The following SYT12 variants were observed in gnomAD, a reference collection of about 807,000 sequenced individuals.
The protein encoded by SYT12 is synaptotagmin 12, also known as synaptotagmin-12.
In SYT12, 27 loss-of-function variants were observed where a neutral mutation model predicts 39.5. The ratio of observed to expected loss-of-function variants is 0.68; its 90% CI spans 0.50 to 0.94. SYT12 has a LOEUF of 0.94. Ranked by LOEUF, SYT12 falls within the 40% of genes least tolerant of loss-of-function variation. The pLI is 0.00. For missense variants in SYT12, 536 were observed against 572.6 expected (o/e 0.94, Z 0.65); for synonymous variants, 233 against 239.7 (o/e 0.97, Z 0.26).
In SYT12 at chr11:67,025,023, C is replaced by T. The variant is rs1239527364; in HGVS notation, c.-24+1563C>T. Among the ~76,000 whole-genome samples, 5 of 152,302 alleles carry T rather than the reference C, an allele frequency of 3.3e-5. No homozygotes were observed. The East Asian group carries it at 9.7e-4, about 29-fold the overall frequency. On this transcript the variant is annotated intron_variant, in intron 1 of 7. Coordinates refer to ENST00000527043, the MANE Select transcript of SYT12 (RefSeq NM_177963.4). The stretch of plus-strand genomic sequence containing the variant: ...CAGCAAAGCTGGGGGAAGTGGGGGG[C>T]TCTTCCAACTCCCCACCCCAAAAGG...
intron 2 of SYT12, among the ~76,000 whole-genome samples, chr11:67,034,177 G>A (rs374710961): frequency 1.6e-4 from 24 of 152,218 alleles, no homozygotes; most frequent in African/African-American, 5.8e-4. Flanking sequence ...ATCCCCCAAA[G>A]AAACCCTATT....
intron 1 of SYT12, among the ~76,000 whole-genome samples, chr11:67,008,619 C>T (rs1418232547): frequency 2.6e-5 from 4 of 151,828 alleles, no homozygotes; most frequent in Non-Finnish European, 4.4e-5. Context: ...GGCATGAGCT[C>T]GGCTCACTGC....
At position 67,028,540 on chromosome 11, in the gene SYT12, C is replaced by A. The variant is rs536159665; in HGVS notation, c.-23-1582C>A. ...CTGGATAACCCTGACTGGAGCATGGCACCGAAGCTTCTTGACTCCAAAGCC... is the reference window on the plus strand; with the variant it reads ...CTGGATAACCCTGACTGGAGCATGGAACCGAAGCTTCTTGACTCCAAAGCC... On this transcript the variant is annotated intron_variant, in intron 1 of 7. Coordinates refer to ENST00000527043, the MANE Select transcript of SYT12 (RefSeq NM_177963.4). 51 of 152,366 alleles carry A rather than the reference C, an allele frequency of 3.3e-4. 1 individual carries two copies. Among genetic ancestry groups the A allele is most frequent in the African/African-American group, 1.2e-3 (50 of 41,568 alleles). 9.4% of individuals were successfully genotyped at this position (152,366 alleles called of 1,614,324 possible). A position where few individuals can be genotyped will look rare whatever the true frequency, so the allele number is the denominator to read the frequency against.
chr11:67,036,937 G>A (rs1950392557), intron 3 of SYT12, among the ~76,000 whole-genome samples: 1 of 152,210 alleles, frequency 6.6e-6, no homozygotes, highest in Non-Finnish European at 1.5e-5. Flanking sequence ...GCCAAGTGTG[G>A]TGGCGCATGC....
intron 7 of SYT12, among the ~76,000 whole-genome samples, chr11:67,048,225 C>G (rs1854628847): frequency 6.7e-6 from 1 of 149,102 alleles, no homozygotes; most frequent in Middle Eastern, 3.2e-3. Flanking sequence ...GAGCTGAGAT[C>G]ATGCCCCTGT....
At chr11:67,016,570 G>A (rs1950061283) in intron 3 of SYT12, among the ~76,000 whole-genome samples, 1 of 152,216 alleles carries the variant, frequency 6.6e-6, no homozygotes, top group Non-Finnish European at 1.5e-5. Flanking sequence ...CCTGAAAGTA[G>A]TGTATATTAT....
intron 7 of SYT12, among the ~76,000 whole-genome samples, chr11:67,046,215 G>A (rs891972344): frequency 6.6e-6 from 1 of 152,094 alleles, no homozygotes; most frequent in South Asian, 2.1e-4. Flanking sequence ...GAGGAGCTGG[G>A]GTGAGCCAGG....
Position 67,040,048 on chromosome 11 carries a change from G to T in SYT12, c.466G>T (p.Val156Leu). Residue 156 changes from valine (V) to leucine (L), a missense_variant, in exon 4 of 8, where the codon GTG (valine) becomes TTG (leucine). Physicochemically the swap from Val to Leu is conservative, Grantham distance 32 (BLOSUM62 1). Coordinates refer to ENST00000527043, the MANE Select transcript of SYT12 (RefSeq NM_177963.4). ...TGGGCAGGACTTCACACTGGGCCAG[G>T]TGGAGGTGAGCATGGAGTACGACAC... ...TFGQDFTLGQVEVSMEYDTAS... is the reference protein window; with the variant it reads ...TFGQDFTLGQLEVSMEYDTAS... 2 of 1,614,008 alleles carry T rather than the reference G, an allele frequency of 1.2e-6. No homozygotes were observed. The highest frequency in any genetic ancestry group is 1.7e-6 in the Non-Finnish European group (2 of 1,180,034).
rs369550417 is a variant in SYT12 at position 67,023,942 on chromosome 11, AAGAGCC to A, written c.-24+486_-24+491del. 2.7e-3 allele frequency among the ~76,000 whole-genome samples: 411 copies of A among 152,356 alleles called. 3 individuals are homozygous for A. The highest frequency in any genetic ancestry group is 4.2e-3 in the Non-Finnish European group (283 of 68,030). Reference sequence around the variant, plus strand: ...AGCCCGAGGAGGCCCTGGCCGTGTGAAGAGCCAGATATGACCCTCAGCCGCCGGTGG... The same window carrying A: ...AGCCCGAGGAGGCCCTGGCCGTGTGAAGATATGACCCTCAGCCGCCGGTGG... On this transcript the variant is annotated intron_variant, in intron 1 of 7. Transcript: ENST00000527043.
intron 7 of SYT12, 34 bp from the exon 8 acceptor site, chr11:67,048,550 C>T (rs1565345696): frequency 1.3e-6 from 2 of 1,582,254 alleles, no homozygotes; most frequent in South Asian, 2.2e-5. Flanking sequence ...CTGACTGCCC[C>T]TGGTCCTCAG....
At position 67,048,761 on chromosome 11, in the gene SYT12, C is replaced by T. The variant is rs763333431; in HGVS notation, c.*4C>T. ...GCACGCTGTCCGGCGAAACTAGCAA[C>T]CAGGGCGGGCCAGTTGGGCAATGGA... On this transcript the variant is annotated 3_prime_UTR_variant, in exon 8 of 8. Transcript: ENST00000527043. 4.4e-6 allele frequency: 7 copies of T among 1,588,574 alleles called. No individual in the cohort carries two copies. The highest frequency in any genetic ancestry group is 6.0e-6 in the Non-Finnish European group (7 of 1,160,884).
intron 3 of SYT12, among the ~76,000 whole-genome samples, chr11:67,036,410 G>A (rs1174152068): frequency 6.6e-6 from 1 of 152,208 alleles, no homozygotes; most frequent in Non-Finnish European, 1.5e-5. Flanking sequence ...TGCTTTGGAT[G>A]GATGTCCAGA....
At chr11:67,039,120 A>G (rs567324106) in intron 3 of SYT12, among the ~76,000 whole-genome samples, 6 of 150,664 alleles carry the variant, frequency 4.0e-5, no homozygotes, top group Non-Finnish European at 8.8e-5. Context: ...CCTGGCCAAC[A>G]TGGAGAAACC....
intron 2 of SYT12, chr11:67,032,202 G>GGC: frequency 6.6e-6 from 1 of 152,196 alleles, no homozygotes; most frequent in Non-Finnish European, 1.5e-5. Context: ...CCAGAAATGT[G>GGC]TCTCTGCATT....
At chr11:67,047,211 C>T (rs1854583037) in intron 7 of SYT12, among the ~76,000 whole-genome samples, 1 of 151,014 alleles carries the variant, frequency 6.6e-6, no homozygotes, top group Non-Finnish European at 1.5e-5. Context: ...GTGATCCACC[C>T]ACTTCGGCCT....
At chr11:67,014,085 C>T (rs1287770722) in intron 3 of SYT12, among the ~76,000 whole-genome samples, 1 of 152,188 alleles carries the variant, frequency 6.6e-6, no homozygotes, top group East Asian at 1.9e-4. Context: ...AGGACACCAC[C>T]CATCGCATGT....
At chr11:67,043,902 AC>A in intron 5 of SYT12, 49 bp downstream of exon 5, 2 of 1,552,408 alleles carry the variant, frequency 1.3e-6, no homozygotes, top group Middle Eastern at 1.7e-4. Context: ...GCACACACAT[AC>A]ACTTCCAGGA....
upstream of SYT12, among the ~76,000 whole-genome samples, chr11:67,018,969 C>T (rs1950082221): frequency 6.6e-6 from 1 of 152,200 alleles, no homozygotes. Flanking sequence ...TGGCTCAACG[C>T]CTACTGTTCC....
In SYT12 at chr11:67,011,910, C is replaced by T. The variant is rs1049465367; in HGVS notation, c.-69+916C>T. On this transcript the variant is annotated intron_variant, in intron 3 of 10. Transcript: ENST00000393946. ...CCTCCCGAGTAGGTGGGATTAATGG[C>T]GCCCACCACCACGTCCGGCTAATTT... Among the ~76,000 whole-genome samples, 9 of 151,748 alleles carry T rather than the reference C, an allele frequency of 5.9e-5. No homozygotes were observed. The East Asian group carries it at 1.6e-3, about 27-fold the overall frequency.
Sources: allele counts gnomAD v4.1 joint callset (sites outside exome capture counted in the v4.1 genomes callset), GRCh38; gene constraint gnomAD v4.1.1; transcripts MANE v1.5; gene names NCBI Gene and HGNC (gene_info 2026-07-23, HGNC 2026-07-21).